Variants in LARGE1 observed in about 807,000 individuals in gnomAD.
LARGE1 encodes LARGE xylosyl- and glucuronyltransferase 1, also known as xylosyl- and glucuronyltransferase LARGE1.
A neutral mutation model predicts 87.6 loss-of-function variants in LARGE1; 43 were observed. The ratio of observed to expected loss-of-function variants is 0.49; its 90% confidence interval spans 0.38 to 0.63. The LOEUF (loss-of-function observed/expected upper bound fraction) is 0.63, where lower values mean the gene tolerates loss of function less well. Ranked by LOEUF, LARGE1 falls within the 30% of genes least tolerant of loss-of-function variation. The pLI is 0.00. For missense variants in LARGE1, 802 were observed against 1,000.2 expected (o/e 0.80, Z 2.67); for synonymous variants, 434 against 394.6 (o/e 1.10, Z -1.18).
chr22:33,312,136 T>C (rs1235016423), intron 11 of LARGE1, among the ~76,000 whole-genome samples: 2 of 152,174 alleles, frequency 1.3e-5, no homozygotes, highest in South Asian at 2.1e-4. Context: ...AGGATAATGA[T>C]ACAGTTACCA....
chr22:33,366,675 T>C (rs1247649033), intron 9 of LARGE1, among the ~76,000 whole-genome samples: 2 of 152,222 alleles, frequency 1.3e-5, no homozygotes, highest in Non-Finnish European at 2.9e-5. Flanking sequence ...TTGCTTCTCT[T>C]TCGTCTTCCG....
At chr22:33,122,947 G>A in the LARGE1 span, among the ~76,000 whole-genome samples, 1 of 152,130 alleles carries the variant, frequency 6.6e-6, no homozygotes, top group African/African-American at 2.4e-5. Flanking sequence ...TTGCTTCCTT[G>A]GGCAGCAGGG....
intron 7 of LARGE1, among the ~76,000 whole-genome samples, chr22:33,402,197 A>G (rs1179945903): frequency 1.3e-5 from 2 of 152,184 alleles, no homozygotes; most frequent in Non-Finnish European, 2.9e-5. Context: ...TCTAACTCTG[A>G]TGACATTGGC....
At chr22:33,803,939 T>C (rs1348006048) in intron 1 of LARGE1, among the ~76,000 whole-genome samples, 1 of 152,170 alleles carries the variant, frequency 6.6e-6, no homozygotes, top group African/African-American at 2.4e-5. Context: ...GGAACCCTCC[T>C]AAAATCCAAG....
chr22:33,077,742 AT>A, the LARGE1 span, among the ~76,000 whole-genome samples: 1 of 152,198 alleles, frequency 6.6e-6, no homozygotes, highest in Non-Finnish European at 1.5e-5. Flanking sequence ...AGAACATTTT[AT>A]GCTTTTTGGT....
chr22:33,715,981 C>T (rs1049613393), intron 2 of LARGE1, among the ~76,000 whole-genome samples: 1 of 152,184 alleles, frequency 6.6e-6, no homozygotes, highest in Non-Finnish European at 1.5e-5. Context: ...CCATTACTAA[C>T]TACTAATTCC....
chr22:33,256,901 C>G (rs1415799713), intron 11 of LARGE1, among the ~76,000 whole-genome samples: 1 of 152,130 alleles, frequency 6.6e-6, no homozygotes, highest in African/African-American at 2.4e-5. Flanking sequence ...GGTGATCACA[C>G]AGATCATTAA....
At chr22:33,849,192 C>A (rs1000776497) in intron 1 of LARGE1, among the ~76,000 whole-genome samples, 3 of 152,204 alleles carry the variant, frequency 2.0e-5, no homozygotes, top group Non-Finnish European at 4.4e-5. Context: ...CCCGGAGTCA[C>A]CCCAGGATAA....
chr22:33,487,900 T>A (rs1310601454), intron 6 of LARGE1, among the ~76,000 whole-genome samples: 1 of 152,188 alleles, frequency 6.6e-6, no homozygotes, highest in African/African-American at 2.4e-5. Flanking sequence ...ATTAAATAAT[T>A]GTTATCATTT....
At chr22:33,364,609 C>T (rs1213632480) in intron 9 of LARGE1, among the ~76,000 whole-genome samples, 1 of 152,182 alleles carries the variant, frequency 6.6e-6, no homozygotes, top group Non-Finnish European at 1.5e-5. Context: ...ATGTTTCATG[C>T]CACTTTACAT....
intron 2 of LARGE1, among the ~76,000 whole-genome samples, chr22:33,735,588 C>CTCCT (rs1329273541): frequency 6.6e-6 from 1 of 152,154 alleles, no homozygotes; most frequent in Non-Finnish European, 1.5e-5. Context: ...GGATCCAAGT[C>CTCCT]TCCTGGTCCT....
At chr22:33,457,683 T>C (rs1372888066) in intron 6 of LARGE1, among the ~76,000 whole-genome samples, 1 of 152,156 alleles carries the variant, frequency 6.6e-6, no homozygotes, top group African/African-American at 2.4e-5. Context: ...CATGAAAATA[T>C]TGCAAAAGAG....
chr22:33,470,596 C>T (rs993528877), intron 6 of LARGE1, among the ~76,000 whole-genome samples: 1 of 152,196 alleles, frequency 6.6e-6, no homozygotes, highest in Non-Finnish European at 1.5e-5. Context: ...CTCTCAGCCC[C>T]GTGTGGGCAC....
At chr22:33,653,118 T>C (rs1011542191) in intron 2 of LARGE1, among the ~76,000 whole-genome samples, 13 of 152,314 alleles carry the variant, frequency 8.5e-5, no homozygotes, top group Middle Eastern at 3.4e-3. Context: ...ATCGACCCTT[T>C]GAGCAGGGGT....
At chr22:33,395,837 T>A (rs2065722309) in intron 7 of LARGE1, among the ~76,000 whole-genome samples, 1 of 152,224 alleles carries the variant, frequency 6.6e-6, no homozygotes, top group African/African-American at 2.4e-5. Flanking sequence ...CTAAATAAGT[T>A]AAATAAGTGT....
intron 11 of LARGE1, among the ~76,000 whole-genome samples, chr22:33,167,783 A>G (rs1922349788): frequency 6.6e-6 from 1 of 152,144 alleles, no homozygotes; most frequent in Non-Finnish European, 1.5e-5. Flanking sequence ...ATTTCCAGCT[A>G]AGCCTTGGAG....
At chr22:33,099,537 C>G in the LARGE1 span, among the ~76,000 whole-genome samples, 4 of 152,174 alleles carry the variant, frequency 2.6e-5, no homozygotes, top group African/African-American at 9.6e-5. Flanking sequence ...CAGTCTTGAG[C>G]CACCGCGCCC....
At chr22:33,377,550 A>C (rs1214625753) in intron 9 of LARGE1, among the ~76,000 whole-genome samples, 1 of 152,224 alleles carries the variant, frequency 6.6e-6, no homozygotes, top group African/African-American at 2.4e-5. Context: ...TAAGGCTGAC[A>C]ATACTTTAGC....
At chr22:33,642,630 A>G (rs1021375183) in intron 3 of LARGE1, among the ~76,000 whole-genome samples, 1 of 148,648 alleles carries the variant, frequency 6.7e-6, no homozygotes, top group African/African-American at 2.5e-5. Context: ...TGCTGTATTC[A>G]GGAGACCCAT....
Sources: gnomAD v4.1 joint callset for allele counts (sites outside exome capture counted in the v4.1 genomes callset) on GRCh38, gnomAD v4.1.1 for gene constraint, MANE v1.5 for transcripts, NCBI Gene and HGNC (gene_info 2026-07-23, HGNC 2026-07-21) for gene names.